NALF1: variants seen among roughly 807,000 people sequenced by gnomAD.
The protein encoded by NALF1 is family with sequence similarity 155 member A.
A neutral mutation model predicts 48.4 loss-of-function variants in NALF1; 3 were observed. The observed-to-expected ratio is 0.06, with a 90% confidence interval of 0.03 to 0.16. The LOEUF is 0.16. Ranked by LOEUF, NALF1 falls within the 10% of genes least tolerant of loss-of-function variation. The pLI is 1.00. For synonymous variants in NALF1, 262 were observed against 245.7 expected, an observed-to-expected ratio of 1.07 and a Z score of -0.62; for missense variants, 526 against 571.5, an observed-to-expected ratio of 0.92 and a Z score of 0.81.
At position 107,800,596 on chromosome 13, in the gene NALF1, A is replaced by C. The variant is rs1878578462; in HGVS notation, c.915+65086T>G. 2.0e-5 allele frequency among the ~76,000 whole-genome samples: 3 copies of C among 146,372 alleles called. No homozygotes were observed. In the South Asian group the frequency reaches 6.4e-4, roughly 31 times the overall value. On this transcript the variant is annotated intron_variant, in intron 1 of 2. Coordinates refer to ENST00000375915, the MANE Select transcript of NALF1 (RefSeq NM_001080396.3). ...TTTAATATAATATACAATATATAAT[A>C]AATTATGTAATATAATATATATATT...
chr13:107,696,701 C>T (rs139872271), intron 1 of NALF1, among the ~76,000 whole-genome samples: 67 of 152,096 alleles, frequency 4.4e-4, no homozygotes, highest in African/African-American at 1.5e-3. Flanking sequence ...GAACCAGTAG[C>T]GTTTGGTACA....
At chr13:107,755,769 C>G (rs1478776929) in intron 1 of NALF1, among the ~76,000 whole-genome samples, 3 of 152,058 alleles carry the variant, frequency 2.0e-5, no homozygotes, top group Non-Finnish European at 4.4e-5. Flanking sequence ...GGAGGCAACC[C>G]AGAATTTCAA....
At chr13:107,556,087 T>A (rs1877465210) in intron 1 of NALF1, among the ~76,000 whole-genome samples, 1 of 151,974 alleles carries the variant, frequency 6.6e-6, no homozygotes, top group Admixed American at 6.6e-5. Context: ...CACTTGAAAG[T>A]AATTCTGGTT....
chr13:107,679,884 T>C (rs375705267), intron 1 of NALF1, among the ~76,000 whole-genome samples: 306 of 152,352 alleles, frequency 2.0e-3, no homozygotes, highest in Non-Finnish European at 3.8e-3. Flanking sequence ...CTGGGTGTAT[T>C]TGAATCCACT....
intron 1 of NALF1, among the ~76,000 whole-genome samples, chr13:107,783,052 C>T (rs1272398746): frequency 5.7e-5 from 8 of 141,584 alleles, no homozygotes; most frequent in Middle Eastern, 4.1e-3. Context: ...CCGCCCCGAC[C>T]GGGAGGGAGG....
chr13:107,602,624 A>T (rs1021130325), intron 1 of NALF1, among the ~76,000 whole-genome samples: 2 of 152,218 alleles, frequency 1.3e-5, no homozygotes, highest in African/African-American at 4.8e-5. Flanking sequence ...CAAATTTCCA[A>T]TTGCATTTGA....
chr13:107,188,296 T>G (rs1190420873), intron 2 of NALF1, among the ~76,000 whole-genome samples: 1 of 152,154 alleles, frequency 6.6e-6, no homozygotes, highest in East Asian at 1.9e-4. Flanking sequence ...ATCATCAGGA[T>G]CCAAATTTTG....
intron 1 of NALF1, among the ~76,000 whole-genome samples, chr13:107,710,343 A>T (rs997162181): frequency 1.6e-4 from 24 of 152,144 alleles, no homozygotes; most frequent in African/African-American, 5.8e-4. Flanking sequence ...TAAGAAATTC[A>T]TATACCATCA....
chr13:107,296,914 C>G (rs1881737536), intron 1 of NALF1, among the ~76,000 whole-genome samples: 1 of 152,090 alleles, frequency 6.6e-6, no homozygotes, highest in South Asian at 2.1e-4. Flanking sequence ...CTGGGAGCAG[C>G]TGTCATCTTA....
chr13:107,739,325 T>G (rs1282343100), intron 1 of NALF1, among the ~76,000 whole-genome samples: 2 of 149,502 alleles, frequency 1.3e-5, no homozygotes, highest in Non-Finnish European at 3.0e-5. Context: ...TAAAGCAAAA[T>G]AAAAATATAT....
At chr13:107,340,890 C>G (rs533301493) in intron 1 of NALF1, among the ~76,000 whole-genome samples, 2 of 152,224 alleles carry the variant, frequency 1.3e-5, no homozygotes, top group African/African-American at 4.8e-5. Context: ...TTGGACAAGT[C>G]ATATGATCAC....
At chr13:107,811,279 G>A (rs1378184700) in intron 1 of NALF1, among the ~76,000 whole-genome samples, 1 of 152,114 alleles carries the variant, frequency 6.6e-6, no homozygotes, top group African/African-American at 2.4e-5. Flanking sequence ...TGTTTCCTCA[G>A]GGGAGATGTT....
At chr13:107,402,182 ACT>A (rs1407384587) in intron 1 of NALF1, among the ~76,000 whole-genome samples, 7 of 152,016 alleles carry the variant, frequency 4.6e-5, no homozygotes. Context: ...TTGCCAGCAG[ACT>A]CTCTCCTTTG....
chr13:107,165,739 C>A lies in NALF1; in HGVS notation c.*4758G>T, dbSNP rs754662642. 2.8e-4 allele frequency: 42 copies of A among 152,074 alleles called. No homozygotes were observed. Among genetic ancestry groups the A allele is most frequent in the Non-Finnish European group, 5.1e-4 (35 of 68,014 alleles). The allele number at this position is 152,074 out of a possible 1,614,324, so 9.4% of individuals were successfully genotyped here. ...CCCCCCCACTGAAAGTCTTTTTATT[C>A]ATTGTCACCCAATACCTACCTGCTA... On this transcript the variant is annotated 3_prime_UTR_variant, in exon 3 of 3. Coordinates refer to ENST00000375915, the MANE Select transcript of NALF1 (RefSeq NM_001080396.3).
At chr13:107,184,591 C>T (rs1034717437) in intron 2 of NALF1, among the ~76,000 whole-genome samples, 1 of 152,110 alleles carries the variant, frequency 6.6e-6, no homozygotes, top group Non-Finnish European at 1.5e-5. Flanking sequence ...CATTGCATTG[C>T]AATATTTTCT....
At chr13:107,482,144 C>A (rs1272134588) in intron 1 of NALF1, among the ~76,000 whole-genome samples, 1 of 152,018 alleles carries the variant, frequency 6.6e-6, no homozygotes, top group Non-Finnish European at 1.5e-5. Flanking sequence ...TGGGCCTCAT[C>A]CAATCAGATA....
At chr13:107,560,689 TCACA>T (rs1877620301) in intron 1 of NALF1, among the ~76,000 whole-genome samples, 1 of 152,076 alleles carries the variant, frequency 6.6e-6, no homozygotes, top group Non-Finnish European at 1.5e-5. Context: ...TCACACACAC[TCACA>T]CAGAGGTATT....
intron 1 of NALF1, among the ~76,000 whole-genome samples, chr13:107,833,424 G>A (rs148169688): frequency 2.6e-5 from 4 of 152,144 alleles, no homozygotes; most frequent in African/African-American, 7.2e-5. Context: ...TCCATCTATA[G>A]GATTATTTTT....
chr13:107,590,195 G>A (rs1338994949), intron 1 of NALF1, among the ~76,000 whole-genome samples: 2 of 149,620 alleles, frequency 1.3e-5, no homozygotes, highest in African/African-American at 2.4e-5. Context: ...AATTTCAAAT[G>A]AGTAGTAAGA....
Sources: gnomAD v4.1 joint callset for allele counts (sites outside exome capture counted in the v4.1 genomes callset) on GRCh38, gnomAD v4.1.1 for gene constraint, MANE v1.5 for transcripts, NCBI Gene and HGNC (gene_info 2026-07-23, HGNC 2026-07-21) for gene names.